Variants in KMT2A observed in about 807,000 individuals in gnomAD.
The protein encoded by KMT2A is lysine methyltransferase 2A, also known as histone-lysine N-methyltransferase 2A.
In KMT2A, 16 loss-of-function variants were observed where a neutral mutation model predicts 345.3. The observed-to-expected ratio is 0.05, with a 90% CI of 0.03 to 0.07. The LOEUF (loss-of-function observed/expected upper bound fraction) is 0.07. Ranked by LOEUF, KMT2A falls within the 10% of genes least tolerant of loss-of-function variation. The probability of loss-of-function intolerance (pLI) is 1.00; values close to 1 mark genes in which losing one functional copy is unlikely to be tolerated. For missense variants in KMT2A, 3,272 were observed against 4,841.6 expected, an observed-to-expected ratio of 0.68 and a Z score of 9.62; for synonymous variants, 1,599 against 1,778.6, an observed-to-expected ratio of 0.90 and a Z score of 2.54.
At chr11:118,454,176 T>G (rs1267233933) in intron 1 of KMT2A, among the ~76,000 whole-genome samples, 1 of 152,210 alleles carries the variant, frequency 6.6e-6, no homozygotes, top group Non-Finnish European at 1.5e-5. Flanking sequence ...CAGTAAACTC[T>G]GGTATCAAAT....
Position 118,491,896 on chromosome 11 carries a change from C to G in KMT2A, c.4972C>G (p.Arg1658Gly), listed in dbSNP as rs373435126. The change falls in exon 15 of 36, where the codon CGG becomes GGG. Residue 1658 changes from arginine to glycine, a missense_variant. Physicochemically the swap from Arg to Gly is moderately radical, Grantham distance 125. Coordinates refer to ENST00000534358, the MANE Select transcript of KMT2A (RefSeq NM_001197104.2). This position sits in a 1 kb window ranked among gnomAD's most constrained non-coding sequence, Gnocchi z 4.2. ...AGTTCTGACAGCTTTGTTGAATTCT[C>G]GGACTACCAGCCATTTGCTACGCTA... ...KQVLTALLNS[R>G]TTSHLLRYRQ... 159 of 1,613,618 alleles carry G rather than the reference C, an allele frequency of 9.9e-5. No individual in the cohort carries two copies. The highest frequency in any genetic ancestry group is 1.3e-4 in the Non-Finnish European group (149 of 1,179,988).
rs1483691286 is a variant in KMT2A at position 118,471,876 on chromosome 11, G to A, written c.717G>A (p.Lys239=). The change falls in exon 3 of 36, where the codon AAG becomes AAA. Residue 239 remains lysine (K), a synonymous_variant. Coordinates refer to ENST00000534358, the MANE Select transcript of KMT2A (RefSeq NM_001197104.2). ...PGVKIKITHG[K]DISELPKGNK... ...TAAAAATCAAAATAACACATGGAAAGGACATTTCAGAGTTACCAAAGGGAA... is the reference window on the plus strand; with the variant it reads ...TAAAAATCAAAATAACACATGGAAAAGACATTTCAGAGTTACCAAAGGGAA... The A allele has an allele frequency of 6.2e-7, 1 of 1,613,072 alleles. No homozygotes were observed. The highest frequency in any genetic ancestry group is 1.3e-5 in the African/African-American group (1 of 74,728).
In KMT2A at chr11:118,496,670, T is replaced by C. The variant is rs551742232; in HGVS notation, c.5664+303T>C. 3.8e-4 allele frequency among the ~76,000 whole-genome samples: 58 copies of C among 152,344 alleles called. No homozygotes were observed. Among genetic ancestry groups the C allele is most frequent in the African/African-American group, 1.4e-3 (58 of 41,574 alleles). On this transcript the variant is annotated intron_variant, in intron 20 of 35. Coordinates refer to ENST00000534358, the MANE Select transcript of KMT2A (RefSeq NM_001197104.2). The surrounding 1 kb of genome is among the most constrained non-coding windows in gnomAD (Gnocchi z 4.7). ...TAATGGAAGTTCCTCAAGAATATTT[T>C]GTGAAAGTTAATAAAATCTAAGTTG...
chr11:118,512,115 T>C lies in KMT2A; in HGVS notation c.11146+90T>C, dbSNP rs1290547732. ...CAGAGTTGATTCTGTGAAAAAAAAA[T>C]CAGTTAAAAATTTTTTTCACAGCTT... On this transcript the variant is annotated intron_variant, in intron 31 of 35. Coordinates refer to ENST00000534358, the MANE Select transcript of KMT2A (RefSeq NM_001197104.2). 15 of 1,235,726 alleles carry C rather than the reference T, an allele frequency of 1.2e-5. No homozygotes were observed. The South Asian group carries it at 1.7e-4, about 14-fold the overall frequency. The allele number at this position is 1,235,726 out of a possible 1,614,324, so 76.5% of individuals were successfully genotyped here. A position where few individuals can be genotyped will look rare whatever the true frequency, so the allele number is the denominator to read the frequency against.
At position 118,437,683 on chromosome 11, in the gene KMT2A, C is replaced by T. The variant is rs9332751; in HGVS notation, c.432+739C>T. ...CTCATACAGCAGTCTCTTCCCCCCC[C>T]CGCCCCGTCTTACAGGGCTACAGTT... On this transcript the variant is annotated intron_variant, in intron 1 of 35. Transcript: ENST00000534358. Among the ~76,000 whole-genome samples, 70 of 151,780 alleles carry T rather than the reference C, an allele frequency of 4.6e-4. No individual in the cohort carries two copies. The East Asian group carries it at 9.1e-3, about 20-fold the overall frequency.
chr11:118,482,800 C>T (rs1287787890), intron 8 of KMT2A, among the ~76,000 whole-genome samples: 2 of 150,266 alleles, frequency 1.3e-5, no homozygotes, highest in African/African-American at 4.9e-5. Context: ...GGCATGGTGG[C>T]AGTTGCGTGT....
rs782311824 is a variant in KMT2A, at chr11:118,506,102, C to T, written c.10210C>T (p.Pro3404Ser). The stretch of plus-strand genomic sequence containing the variant: ...TCAGGACCAGCCTGTGGCTTTACCG[C>T]CAAGTTCAGGAATGTTTCCACAACT... ...GIQDQPVALP[P>S]SSGMFPQLGT... The change falls in exon 27 of 36, where the codon CCA becomes TCA. Residue 3404 changes from proline to serine, a missense_variant. Pro to Ser is a moderately conservative substitution (Grantham distance 74). This residue lies in a region of KMT2A where 748 missense variants were observed against 922.2 expected (regional missense o/e 0.81). Transcript: ENST00000534358. The T allele has an allele frequency of 3.7e-6, 6 of 1,614,180 alleles. No homozygotes were observed. The South Asian group carries it at 5.5e-5, about 15-fold the overall frequency.
At chr11:118,489,472 T>G (rs982369147) in intron 11 of KMT2A, among the ~76,000 whole-genome samples, 1 of 152,184 alleles carries the variant, frequency 6.6e-6, no homozygotes, top group African/African-American at 2.4e-5. Flanking sequence ...TTACTTAGTC[T>G]GTCTTTAGCA....
chr11:118,501,609 G>A (rs1950501818), intron 25 of KMT2A, 63 bp from the exon 26 acceptor site: 4 of 1,390,330 alleles, frequency 2.9e-6, no homozygotes, highest in African/African-American at 1.4e-5. Flanking sequence ...ACTTTTTATT[G>A]GTTAATTTGT....
intron 31 of KMT2A, among the ~76,000 whole-genome samples, chr11:118,516,720 A>ATCATTT (rs1340694073): frequency 1.3e-5 from 2 of 152,162 alleles, no homozygotes; most frequent in Non-Finnish European, 2.9e-5. Flanking sequence ...TGAATGAATA[A>ATCATTT]ATGAGTCTCC....
intron 1 of KMT2A, among the ~76,000 whole-genome samples, chr11:118,438,135 T>C (rs1565559542): frequency 6.6e-6 from 1 of 152,158 alleles, no homozygotes; most frequent in East Asian, 1.9e-4. Context: ...AGTTATACTT[T>C]AGTGTGGTGG....
chr11:118,450,823 C>G (rs1949520956), intron 1 of KMT2A: 1 of 152,230 alleles, frequency 6.6e-6, no homozygotes, highest in Admixed American at 6.5e-5. Context: ...AGTTCAATAA[C>G]AGCATACATT....
chr11:118,488,497 GA>G (rs1950269376), intron 10 of KMT2A, 116 bp from the exon 11 acceptor site: 1 of 978,386 alleles, frequency 1.0e-6, no homozygotes, highest in South Asian at 1.3e-5. Context: ...AATATGTATT[GA>G]ATTAAATATA....
chr11:118,490,266 GT>G lies in KMT2A; in HGVS notation c.4696+21del, dbSNP rs1481322614. 1 of 1,536,778 alleles carries G rather than the reference GT, an allele frequency of 6.5e-7. No homozygotes were observed. On this transcript the variant is annotated intron_variant, in intron 13 of 35. Transcript: ENST00000534358. The surrounding 1 kb of genome is among the most constrained non-coding windows in gnomAD (Gnocchi z 4.2). Reference sequence around the variant, plus strand: ...TTGCTAAAGGTACCCAAAAAAGCCAGTTTTGCCAGCTTTCGGAGGTTGTACT... The same window carrying G: ...TTGCTAAAGGTACCCAAAAAAGCCAGTTTGCCAGCTTTCGGAGGTTGTACT...
intron 1 of KMT2A, 104 bp downstream of exon 1, chr11:118,437,048 C>T (rs1949200612): frequency 7.8e-7 from 1 of 1,275,706 alleles, no homozygotes; most frequent in African/African-American, 1.6e-5. Flanking sequence ...GGGACCATCT[C>T]GGGGTCCCTG....
chr11:118,514,023 C>T (rs181635398), intron 31 of KMT2A, among the ~76,000 whole-genome samples: 5 of 151,964 alleles, frequency 3.3e-5, no homozygotes, highest in Admixed American at 3.3e-4. Context: ...AAGTCACATC[C>T]CTTTCTTTTT....
Position 118,495,878 on chromosome 11 carries a change from A to G in KMT2A, c.5542A>G (p.Thr1848Ala), listed in dbSNP as rs1950401140. 1 of 1,608,082 alleles carries G rather than the reference A, an allele frequency of 6.2e-7. No individual in the cohort carries two copies. The highest frequency in any genetic ancestry group is 8.5e-7 in the Non-Finnish European group (1 of 1,177,418). Residue 1848 changes from threonine to alanine, a missense_variant, in exon 19 of 36, where the codon ACA (threonine) becomes GCA (alanine). Thr to Ala is a moderately conservative substitution (Grantham distance 58). This residue lies in a region of KMT2A where 235 missense variants were observed against 503.4 expected (regional missense o/e 0.47). Transcript: ENST00000534358. This position sits in a 1 kb window ranked among gnomAD's most constrained non-coding sequence, Gnocchi z 4.1. Reference sequence around the variant, plus strand: ...CTCACCAACTCCTCTGCATCCTCCTACACCACCAATTTTGAGTAAGCCACC... The same window carrying G: ...CTCACCAACTCCTCTGCATCCTCCTGCACCACCAATTTTGAGTAAGCCACC... ...PDSPTPLHPP[T>A]PPILSTDRSR...
intron 1 of KMT2A, among the ~76,000 whole-genome samples, chr11:118,441,826 A>G (rs2134170857): frequency 6.6e-6 from 1 of 152,328 alleles, no homozygotes; most frequent in African/African-American, 2.4e-5. Flanking sequence ...TCATTCACAC[A>G]ATAGTGATCC....
chr11:118,468,309 G>A (rs1314807816), intron 1 of KMT2A, among the ~76,000 whole-genome samples: 4 of 152,122 alleles, frequency 2.6e-5, no homozygotes, highest in Admixed American at 2.0e-4. Context: ...GGCACTTTCA[G>A]TCTCTATTAA....
Sources: allele counts gnomAD v4.1 joint callset (sites outside exome capture counted in the v4.1 genomes callset), GRCh38; gene constraint gnomAD v4.1.1; regional missense constraint gnomAD v4.1.1; non-coding constraint Gnocchi (gnomAD v3.1); transcripts MANE v1.5; gene names NCBI Gene and HGNC (gene_info 2026-07-23, HGNC 2026-07-21).